UHRF2: variants seen among roughly 807,000 people sequenced by gnomAD.
The protein encoded by UHRF2 is E3 ubiquitin-protein ligase UHRF2.
Under a neutral mutation model 96.8 loss-of-function variants are expected in UHRF2, and 23 were observed. The ratio of observed to expected loss-of-function variants is 0.24; its 90% CI spans 0.17 to 0.34. The LOEUF (loss-of-function observed/expected upper bound fraction) is 0.34, where lower values mean the gene tolerates loss of function less well. Ranked by LOEUF, UHRF2 falls within the 10% of genes least tolerant of loss-of-function variation. The pLI is 1.00. For missense variants in UHRF2, 685 were observed against 981.5 expected, an observed-to-expected ratio of 0.70 and a Z score of 4.04; for synonymous variants, 385 against 332.6, an observed-to-expected ratio of 1.16 and a Z score of -1.72.
intron 2 of UHRF2, among the ~76,000 whole-genome samples, chr9:6,428,543 T>G (rs796744538): frequency 1.6e-3 from 17 of 10,738 alleles, no homozygotes; most frequent in African/African-American, 4.1e-3. Flanking sequence ...CTTTTTTTTT[T>G]TTTTTTTTTT....
intron 8 of UHRF2, 41 bp from the exon 9 acceptor site, chr9:6,486,780 T>A: frequency 6.3e-7 from 1 of 1,587,494 alleles, no homozygotes; most frequent in Non-Finnish European, 8.6e-7. Context: ...GTATCTTAAC[T>A]GTTCAGAGGT....
chr9:6,421,739 G>A (rs945292994), intron 2 of UHRF2, among the ~76,000 whole-genome samples: 20 of 152,172 alleles, frequency 1.3e-4, no homozygotes, highest in African/African-American at 4.8e-4. Flanking sequence ...TTAAAGCCTC[G>A]TGTGTGTCCC....
chr9:6,470,474 C>T (rs1335344473), intron 4 of UHRF2, among the ~76,000 whole-genome samples: 2 of 151,826 alleles, frequency 1.3e-5, no homozygotes, highest in African/African-American at 4.8e-5. Context: ...TCACCATCAA[C>T]AGACAGGCAC....
In UHRF2 at chr9:6,493,010, A is replaced by G. The variant is rs139561574; in HGVS notation, c.1498-816A>G. 5.1e-3 allele frequency among the ~76,000 whole-genome samples: 776 copies of G among 152,308 alleles called. 1 individual carries two copies. The highest frequency in any genetic ancestry group is 0.018 in the African/African-American group (731 of 41,578). ...TTAACTATGCTGTTAGAATTTTAAT[A>G]TGAAAGCCAGGGCGCAGTGGGTCAT... On this transcript the variant is annotated intron_variant, in intron 9 of 15. Transcript: ENST00000276893.
intron 2 of UHRF2, among the ~76,000 whole-genome samples, chr9:6,425,541 G>T (rs568257721): frequency 1.3e-5 from 2 of 151,920 alleles, no homozygotes; most frequent in East Asian, 3.9e-4. Flanking sequence ...GATCACTACA[G>T]GTCAGGAGTT....
chr9:6,473,772 A>C (rs566145378), intron 4 of UHRF2, among the ~76,000 whole-genome samples: 1 of 152,352 alleles, frequency 6.6e-6, no homozygotes, highest in East Asian at 1.9e-4. Context: ...AGATAATACA[A>C]AAATCAGATG....
intron 1 of UHRF2, 74 bp downstream of exon 1, chr9:6,413,717 GAGGGCTCTGTGCGCCGCGCGCGC>G: frequency 7.3e-7 from 1 of 1,370,952 alleles, no homozygotes; most frequent in Non-Finnish European, 9.4e-7. Flanking sequence ...GCACCGGTCC[GAGGGCTCTGTGCGCCGCGCGCGC>G]AGGGCTCACC....
In UHRF2 at chr9:6,424,384, GA is replaced by G. The variant is rs1327390744; in HGVS notation, c.384+3243del. Among the ~76,000 whole-genome samples the G allele has an allele frequency of 7.9e-5, 12 of 152,280 alleles. No individual in the cohort carries two copies. The East Asian group carries it at 1.7e-3, about 22-fold the overall frequency. On this transcript the variant is annotated intron_variant, in intron 2 of 15. Coordinates refer to ENST00000276893, the MANE Select transcript of UHRF2 (RefSeq NM_152896.3). ...TGCTATATAGTGGTCACAATTAAGA[GA>G]GAATTTTTAGCACTGAAAGCCAACT...
chr9:6,417,104 G>A (rs1819651434), intron 1 of UHRF2, among the ~76,000 whole-genome samples: 2 of 152,056 alleles, frequency 1.3e-5, no homozygotes, highest in South Asian at 4.1e-4. Flanking sequence ...AAGTTGTTTT[G>A]CCCTTCACTG....
chr9:6,434,271 A>G (rs1587785326), intron 3 of UHRF2, 98 bp downstream of exon 3: 4 of 1,393,108 alleles, frequency 2.9e-6, no homozygotes, highest in East Asian at 2.4e-5. Context: ...TTCTGAAGAA[A>G]TCCTTTAGAG....
intron 14 of UHRF2, among the ~76,000 whole-genome samples, chr9:6,501,880 A>G (rs1816311958): frequency 6.6e-6 from 1 of 152,186 alleles, no homozygotes; most frequent in South Asian, 2.1e-4. Context: ...GTGAGTTTCC[A>G]CTGTAGGTGG....
intron 8 of UHRF2, among the ~76,000 whole-genome samples, chr9:6,484,428 C>T (rs1245230385): frequency 6.9e-6 from 1 of 145,316 alleles, no homozygotes; most frequent in African/African-American, 2.5e-5. Flanking sequence ...CCTCCTCCCT[C>T]CTGTCTCTTC....
At chr9:6,438,861 A>G (rs961577196) in intron 3 of UHRF2, among the ~76,000 whole-genome samples, 2 of 152,208 alleles carry the variant, frequency 1.3e-5, no homozygotes, top group South Asian at 2.1e-4. Context: ...CTTCTACTCC[A>G]GTCAGAGCAG....
chr9:6,455,643 C>T (rs1179462935), intron 3 of UHRF2, among the ~76,000 whole-genome samples: 2 of 152,126 alleles, frequency 1.3e-5, no homozygotes, highest in African/African-American at 4.8e-5. Context: ...CCAGTGTGGA[C>T]TGTTACTGAT....
chr9:6,477,644 C>A lies in UHRF2; in HGVS notation c.996C>A (p.Asp332Glu), dbSNP rs764315287. ...KFLRRNDPEC[D>E]LCGGDPEKKC... is the part of the protein sequence containing the mutation. ...TAGGGCGAAATGACCCTGAATGTGA[C>A]CTGTGTGGTGGAGACCCAGAAAAGA... Residue 332 changes from aspartate (D) to glutamate (E), a missense_variant, in exon 6 of 16, where the codon GAC becomes GAA. By Grantham distance (45) the Asp-to-Glu change is conservative. This residue lies in a region of UHRF2 where 391 missense variants were observed against 437.0 expected (regional missense o/e 0.89). Transcript: ENST00000276893. 6.2e-7 allele frequency: 1 copy of A among 1,612,568 alleles called. No homozygotes were observed.
At chr9:6,428,533 CTTTTTTTTTTTTTTTTTTTTTTTT>C (rs1171172143) in intron 2 of UHRF2, among the ~76,000 whole-genome samples, 2 of 65,420 alleles carry the variant, frequency 3.1e-5, no homozygotes, top group Non-Finnish European at 5.3e-5. Flanking sequence ...ATTGCTTTTG[CTTTTTTTTTTTTTTTTTTTTTTTT>C]TTTTTTTTTT....
At chr9:6,469,918 C>T (rs1035808795) in intron 4 of UHRF2, among the ~76,000 whole-genome samples, 3 of 151,896 alleles carry the variant, frequency 2.0e-5, no homozygotes, top group Admixed American at 6.6e-5. Context: ...CAAAGAAGTT[C>T]TGTAAATTCT....
At chr9:6,504,398 A>T (rs992265337) in intron 14 of UHRF2, 195 bp from the exon 15 acceptor site, 9 of 391,290 alleles carry the variant, frequency 2.3e-5, no homozygotes, top group African/African-American at 1.9e-4. Flanking sequence ...TTTGGGATAC[A>T]TGTGAAATTT....
chr9:6,500,563 A>G lies in UHRF2; in HGVS notation c.2017A>G (p.Ser673Gly), dbSNP rs552433251. 5 of 1,611,178 alleles carry G rather than the reference A, an allele frequency of 3.1e-6. No individual in the cohort carries two copies. Among genetic ancestry groups the G allele is most frequent in the South Asian group, 1.1e-5 (1 of 90,546 alleles). ...KRPISDDDCP[S>G]ASKVYKASDS... ...TAAAATAAATCTAGATGACTGTCCA[A>G]GTGCCTCCAAAGTGTACAAAGCATC... Residue 673 changes from serine (S) to glycine (G), a missense_variant, in exon 14 of 16, where the codon AGT becomes GGT. Physicochemically the swap from Ser to Gly is moderately conservative, Grantham distance 56 (BLOSUM62 0). Around this residue, in one of 6 missense-constraint regions of UHRF2, gnomAD observed 99 missense variants for 73.5 expected, o/e 1.35. Transcript: ENST00000276893.
Sources: allele counts gnomAD v4.1 joint callset (sites outside exome capture counted in the v4.1 genomes callset), GRCh38; gene constraint gnomAD v4.1.1; regional missense constraint gnomAD v4.1.1; transcripts MANE v1.5; gene names NCBI Gene and HGNC (gene_info 2026-07-23, HGNC 2026-07-21).